The following PHF14 variants were observed in gnomAD, a reference collection of about 807,000 sequenced individuals.
The protein encoded by PHF14 is PHD finger protein 14.
PHF14 carries 55 observed loss-of-function variants against 117.9 expected under a neutral mutation model. The ratio of observed to expected loss-of-function variants is 0.47; its 90% CI spans 0.38 to 0.58. The LOEUF (loss-of-function observed/expected upper bound fraction) is 0.58. Among genes scored for constraint, PHF14 ranks in the 20% least tolerant of loss-of-function variants. The pLI, the probability that PHF14 is intolerant of heterozygous loss-of-function variation, is 0.00. For missense variants in PHF14, 978 were observed against 1,122.2 expected, an observed-to-expected ratio of 0.87 and a Z score of 1.84; for synonymous variants, 409 against 368.6, an observed-to-expected ratio of 1.11 and a Z score of -1.26.
chr7:11,068,625 C>T (rs193015533), intron 16 of PHF14, among the ~76,000 whole-genome samples: 16 of 152,206 alleles, frequency 1.1e-4, no homozygotes, highest in Admixed American at 6.5e-4. Context: ...GGTTGCACAA[C>T]AGTGTGAATG....
chr7:11,136,668 A>G (rs1788229515), intron 17 of PHF14, among the ~76,000 whole-genome samples: 1 of 152,160 alleles, frequency 6.6e-6, no homozygotes, highest in East Asian at 1.9e-4. Context: ...TGTGTAGTTC[A>G]CTTTGTACAC....
Position 11,096,261 on chromosome 7 carries a change from A to T in PHF14, c.2655-15089A>T, listed in dbSNP as rs572522680. 1.2e-4 allele frequency among the ~76,000 whole-genome samples: 18 copies of T among 152,246 alleles called. No homozygotes were observed. The South Asian group carries it at 3.3e-3, about 28-fold the overall frequency. ...TTTTGTAAAGAAGATCATCCTGCAT[A>T]ATTACTCTTTATCAGTAACTATCAT... On this transcript the variant is annotated intron_variant, in intron 16 of 17. Transcript: ENST00000634607.
intron 16 of PHF14, among the ~76,000 whole-genome samples, chr7:11,087,108 A>G (rs986992341): frequency 5.3e-5 from 8 of 152,094 alleles, no homozygotes; most frequent in African/African-American, 1.9e-4. Flanking sequence ...TTTTCATTCT[A>G]TTCTGAAAGA....
At chr7:11,065,352 G>C (rs1785388627) in intron 16 of PHF14, among the ~76,000 whole-genome samples, 1 of 152,066 alleles carries the variant, frequency 6.6e-6, no homozygotes, top group Admixed American at 6.5e-5. Flanking sequence ...GTTGGAAGTA[G>C]TTATGGAACT....
chr7:11,022,243 A>G (rs1400395984), intron 5 of PHF14, among the ~76,000 whole-genome samples: 3 of 152,176 alleles, frequency 2.0e-5, no homozygotes, highest in African/African-American at 4.8e-5. Context: ...TATAAATTTT[A>G]GTATATAGAT....
intron 13 of PHF14, among the ~76,000 whole-genome samples, chr7:11,046,581 C>G (rs887044771): frequency 1.3e-5 from 2 of 151,910 alleles, no homozygotes; most frequent in Non-Finnish European, 2.9e-5. Context: ...AGTAGGAATT[C>G]CAGCATTAGA....
chr7:11,110,575 G>A (rs1787412226), intron 16 of PHF14: 1 of 952,036 alleles, frequency 1.1e-6, no homozygotes, highest in African/African-American at 1.8e-5. Flanking sequence ...CTTAGATTTT[G>A]CACATCATAG....
rs376338755 is a variant in PHF14, at chr7:11,053,352, A to G, written c.2481+1572A>G. The stretch of plus-strand genomic sequence containing the variant: ...TGAAACAGTTTATTTTGGGTGCTCT[A>G]AGTAGATCAACTTGAAATAGTTTTT... On this transcript the variant is annotated intron_variant, in intron 14 of 17. Coordinates refer to ENST00000634607, the MANE Select transcript of PHF14 (RefSeq NM_001007157.2). Among the ~76,000 whole-genome samples, 9 of 152,160 alleles carry G rather than the reference A, an allele frequency of 5.9e-5. No individual in the cohort carries two copies. The East Asian group carries it at 1.7e-3, about 29-fold the overall frequency.
At chr7:11,102,769 T>A in intron 16 of PHF14, 1 of 1,377,042 alleles carries the variant, frequency 7.3e-7, no homozygotes, top group Non-Finnish European at 9.4e-7. Context: ...TCTTTTTGCT[T>A]TTTTTGCACT....
intron 17 of PHF14, among the ~76,000 whole-genome samples, chr7:11,164,410 A>G (rs1245552503): frequency 6.6e-6 from 1 of 152,200 alleles, no homozygotes; most frequent in Non-Finnish European, 1.5e-5. Flanking sequence ...ATAAAAATCA[A>G]TAATATCAAC....
At chr7:11,062,511 A>G (rs73678574) in intron 16 of PHF14, 1,996 of 172,862 alleles carry the variant, frequency 0.012, 48 homozygotes, top group African/African-American at 0.045. Context: ...TATTGACAAG[A>G]ACTTAATTAG....
rs767711303 is a variant in PHF14, at chr7:11,036,996, C to T, written c.1885C>T (p.Arg629Cys). The change falls in exon 10 of 18, where the codon CGC becomes TGC. Residue 629 changes from arginine (R) to cysteine (C), a missense_variant. This residue lies in a region of PHF14 where 237 missense variants were observed against 276.4 expected (regional missense o/e 0.86). Coordinates refer to ENST00000634607, the MANE Select transcript of PHF14 (RefSeq NM_001007157.2). Reference sequence around the variant, plus strand: ...TTTCATTTAAATAGAGAGAAATATGCGCATGATTCAAATTCAGGAAAATAT... The same window carrying T: ...TTTCATTTAAATAGAGAGAAATATGTGCATGATTCAAATTCAGGAAAATAT... ...FVNYYFERNM[R>C]MIQIQENMAE... The T allele has an allele frequency of 1.0e-5, 15 of 1,495,684 alleles. No homozygotes were observed. The highest frequency in any genetic ancestry group is 8.1e-5 in the Admixed American group (4 of 49,642). 92.7% of individuals were successfully genotyped at this position (1,495,684 alleles called of 1,614,324 possible).
At chr7:11,076,165 G>C (rs921379682) in intron 16 of PHF14, among the ~76,000 whole-genome samples, 1 of 152,152 alleles carries the variant, frequency 6.6e-6, no homozygotes, top group African/African-American at 2.4e-5. Context: ...CTGAGATTCA[G>C]AGTTAGGCAG....
intron 16 of PHF14, among the ~76,000 whole-genome samples, chr7:11,089,817 C>T (rs1786573934): frequency 7.6e-6 from 1 of 131,722 alleles, no homozygotes; most frequent in Non-Finnish European, 1.5e-5. Flanking sequence ...GTTGCCCAGG[C>T]TGGAGTGCAT....
chr7:11,152,723 C>G lies in PHF14; in HGVS notation c.2773-16693C>G, dbSNP rs537399238. Among the ~76,000 whole-genome samples, 5 of 152,192 alleles carry G rather than the reference C, an allele frequency of 3.3e-5. No individual in the cohort carries two copies. In the South Asian group the frequency reaches 1.0e-3, roughly 32 times the overall value. On this transcript the variant is annotated intron_variant, in intron 17 of 17. Transcript: ENST00000634607. Reference sequence around the variant, plus strand: ...GGCAGACAGACAATCTGTAAATAACCAAGTGGATGTTCATTTTATTGTAAT... The same window carrying G: ...GGCAGACAGACAATCTGTAAATAACGAAGTGGATGTTCATTTTATTGTAAT...
At chr7:11,155,432 T>G (rs960338528) in intron 17 of PHF14, among the ~76,000 whole-genome samples, 7 of 152,154 alleles carry the variant, frequency 4.6e-5, no homozygotes, top group Admixed American at 1.3e-4. Context: ...TCCCAACCTT[T>G]CTGTGTTATT....
intron 17 of PHF14, among the ~76,000 whole-genome samples, chr7:11,135,676 T>C (rs1416636503): frequency 6.6e-6 from 1 of 152,196 alleles, no homozygotes; most frequent in Non-Finnish European, 1.5e-5. Flanking sequence ...AATGTAACTA[T>C]AGCTTTCAAT....
At chr7:11,147,940 T>C (rs1258442170) in intron 17 of PHF14, among the ~76,000 whole-genome samples, 1 of 152,200 alleles carries the variant, frequency 6.6e-6, no homozygotes, top group African/African-American at 2.4e-5. Context: ...GGTTTCTTGA[T>C]TCTTCTCTAT....
chr7:11,168,705 C>A (rs1282266859), intron 17 of PHF14, among the ~76,000 whole-genome samples: 1 of 152,060 alleles, frequency 6.6e-6, no homozygotes, highest in East Asian at 1.9e-4. Context: ...GTTGAAAGAA[C>A]ATGTATGATG....
Sources: gnomAD v4.1 joint callset for allele counts (sites outside exome capture counted in the v4.1 genomes callset) on GRCh38, gnomAD v4.1.1 for gene constraint, gnomAD v4.1.1 regional missense constraint, MANE v1.5 for transcripts, NCBI Gene and HGNC (gene_info 2026-07-23, HGNC 2026-07-21) for gene names.